The following HACE1 variants were observed in gnomAD, a reference collection of about 807,000 sequenced individuals.
HACE1 encodes HECT domain and ankyrin repeat containing E3 ubiquitin protein ligase 1.
Under a neutral mutation model 118.4 loss-of-function variants are expected in HACE1, and 73 were observed. The ratio of observed to expected loss-of-function variants is 0.62; its 90% CI spans 0.51 to 0.75. HACE1 has a LOEUF of 0.75. HACE1 is among the 30% of genes least tolerant of loss of function. HACE1 has a pLI of 0.00. For synonymous variants in HACE1, 368 were observed against 374.8 expected, an observed-to-expected ratio of 0.98 and a Z score of 0.21; for missense variants, 749 against 1,102.2, an observed-to-expected ratio of 0.68 and a Z score of 4.54.
rs1777113976 is a variant in HACE1, at chr6:104,859,623, T to TGCTCCATCGCTC, written c.8_19dup (p.Arg3_Glu6dup). ...CAGCGAGCGCGTCAGGCGGTTGAGT[T>TGCTCCATCGCTC]GCTCCATCGCTCTCTCCATCCTCGG... On this transcript the variant is annotated inframe_insertion, in exon 1 of 24. Coordinates refer to ENST00000262903, the MANE Select transcript of HACE1 (RefSeq NM_020771.4). 6.5e-7 allele frequency: 1 copy of TGCTCCATCGCTC among 1,533,230 alleles called. No individual in the cohort carries two copies. The highest frequency in any genetic ancestry group is 2.5e-5 in the East Asian group (1 of 39,910). 95.0% of individuals were successfully genotyped at this position (1,533,230 alleles called of 1,614,324 possible). A position where few individuals can be genotyped will look rare whatever the true frequency, so the allele number is the denominator to read the frequency against.
intron 19 of HACE1, among the ~76,000 whole-genome samples, chr6:104,758,391 T>G (rs1004445465): frequency 6.6e-6 from 1 of 152,186 alleles, no homozygotes; most frequent in Non-Finnish European, 1.5e-5. Flanking sequence ...TGGGGGCCAA[T>G]ATTCAGTATT....
chr6:104,756,753 G>C (rs960316432), intron 19 of HACE1, among the ~76,000 whole-genome samples: 1 of 152,184 alleles, frequency 6.6e-6, no homozygotes, highest in Non-Finnish European at 1.5e-5. Context: ...CGTTTCACCC[G>C]GGAAGCGCAA....
chr6:104,785,969 C>T (rs1011954953), intron 11 of HACE1: 2 of 152,130 alleles, frequency 1.3e-5, no homozygotes, highest in African/African-American at 4.8e-5. Flanking sequence ...CATATACTTA[C>T]AGACACAATC....
At chr6:104,783,947 C>G in intron 14 of HACE1, 139 bp downstream of exon 14, 1 of 655,840 alleles carries the variant, frequency 1.5e-6, no homozygotes, top group Non-Finnish European at 2.8e-6. Context: ...AGAAAACTTA[C>G]TCCTCATATT....
At chr6:104,790,561 T>C (rs1782918279) in intron 11 of HACE1, among the ~76,000 whole-genome samples, 1 of 152,190 alleles carries the variant, frequency 6.6e-6, no homozygotes, top group African/African-American at 2.4e-5. Context: ...GAGACTAGCC[T>C]GGGCAACATG....
chr6:104,746,359 A>G (rs1202153535), intron 20 of HACE1, among the ~76,000 whole-genome samples: 1 of 151,958 alleles, frequency 6.6e-6, no homozygotes, highest in Non-Finnish European at 1.5e-5. Flanking sequence ...TACATTGACC[A>G]CCCCCAAATA....
intron 11 of HACE1, 75 bp downstream of exon 11, chr6:104,791,429 A>C (rs1783008119): frequency 7.6e-7 from 1 of 1,319,316 alleles, no homozygotes; most frequent in African/African-American, 1.4e-5. Flanking sequence ...GAGCTTTCTG[A>C]TTAATGAATG....
At chr6:104,780,589 T>C (rs944181423) in intron 14 of HACE1, 6 of 193,164 alleles carry the variant, frequency 3.1e-5, no homozygotes, top group South Asian at 2.7e-4. Flanking sequence ...TATTTTTTTT[T>C]CCTCTAATGT....
In HACE1 at chr6:104,784,068, A is replaced by C; in HGVS notation, c.1566+18T>G. ...TAATTTCATTAGATAGAATAAAAAG[A>C]TGAAGAAAAATTTCTACCTGTGCTT... On this transcript the variant is annotated intron_variant, in intron 14 of 23. Coordinates refer to ENST00000262903, the MANE Select transcript of HACE1 (RefSeq NM_020771.4). The C allele has an allele frequency of 1.5e-6, 2 of 1,293,876 alleles. No individual in the cohort carries two copies. Among genetic ancestry groups the C allele is most frequent in the South Asian group, 2.4e-5 (2 of 84,390 alleles). 80.1% of individuals were successfully genotyped at this position (1,293,876 alleles called of 1,614,324 possible).
chr6:104,741,018 A>G (rs1217331022), intron 22 of HACE1, among the ~76,000 whole-genome samples: 2 of 132,840 alleles, frequency 1.5e-5, no homozygotes, highest in Non-Finnish European at 3.1e-5. Flanking sequence ...ACGCAAATCA[A>G]TAAATGTAAT....
chr6:104,850,438 A>G (rs1320585077), intron 3 of HACE1, among the ~76,000 whole-genome samples: 30 of 152,220 alleles, frequency 2.0e-4, no homozygotes. Flanking sequence ...TTCATGAAAA[A>G]TTAATTTCAA....
intron 1 of HACE1, among the ~76,000 whole-genome samples, chr6:104,858,861 C>G (rs1284398527): frequency 6.6e-6 from 1 of 152,148 alleles, no homozygotes; most frequent in African/African-American, 2.4e-5. Context: ...CAGAGTTTTA[C>G]CTGTCCTGAG....
intron 7 of HACE1, among the ~76,000 whole-genome samples, chr6:104,798,429 A>G (rs1206500407): frequency 2.0e-5 from 3 of 152,204 alleles, no homozygotes; most frequent in Admixed American, 2.0e-4. Flanking sequence ...CCTACTACGA[A>G]TCTAGTGCCA....
intron 17 of HACE1, among the ~76,000 whole-genome samples, chr6:104,773,033 A>C (rs537971531): frequency 3.3e-5 from 5 of 152,248 alleles, no homozygotes. Context: ...ACCACCGTAA[A>C]AAAAAAGTCT....
chr6:104,758,588 C>T (rs1176612596), intron 19 of HACE1, among the ~76,000 whole-genome samples: 1 of 151,950 alleles, frequency 6.6e-6, no homozygotes, highest in African/African-American at 2.4e-5. Flanking sequence ...CCAGCCACTG[C>T]AAAAACAAGC....
intron 11 of HACE1, 30 bp downstream of exon 11, chr6:104,791,474 C>T: frequency 6.3e-7 from 1 of 1,579,130 alleles, no homozygotes; most frequent in South Asian, 1.1e-5. Flanking sequence ...TTACGTCTAT[C>T]TTCCTAACAA....
intron 5 of HACE1, among the ~76,000 whole-genome samples, chr6:104,833,925 C>T (rs766463594): frequency 1.3e-5 from 2 of 152,026 alleles, no homozygotes; most frequent in Non-Finnish European, 2.9e-5. Flanking sequence ...GCGGCAGTTG[C>T]GGTGAGCTGA....
chr6:104,848,891 C>G (rs910926644), intron 4 of HACE1, among the ~76,000 whole-genome samples: 1 of 151,864 alleles, frequency 6.6e-6, no homozygotes, highest in Non-Finnish European at 1.5e-5. Context: ...TAGTGAGAAT[C>G]TAATAAATTA....
chr6:104,785,841 A>G (rs1190265634), intron 11 of HACE1: 1 of 153,552 alleles, frequency 6.5e-6, no homozygotes, highest in Non-Finnish European at 1.4e-5. Flanking sequence ...AAAAAATGAG[A>G]ATCCCTAAAG....
Sources: allele counts gnomAD v4.1 joint callset (sites outside exome capture counted in the v4.1 genomes callset), GRCh38; gene constraint gnomAD v4.1.1; transcripts MANE v1.5; gene names NCBI Gene and HGNC (gene_info 2026-07-23, HGNC 2026-07-21).